DNAH8: variants seen among roughly 807,000 people sequenced by gnomAD.
The protein encoded by DNAH8 is dynein axonemal heavy chain 8, also known as axonemal beta dynein heavy chain 8.
A neutral mutation model predicts 562.1 loss-of-function variants in DNAH8; 382 were observed. The observed-to-expected ratio is 0.68, with a 90% confidence interval of 0.63 to 0.74. The LOEUF is 0.74. Ranked by LOEUF, DNAH8 falls within the 30% of genes least tolerant of loss-of-function variation. The probability of loss-of-function intolerance (pLI) is 0.00; values close to 1 mark genes in which losing one functional copy is unlikely to be tolerated. For synonymous variants in DNAH8, 1,881 were observed against 1,919.4 expected (o/e 0.98, Z 0.52); for missense variants, 5,203 against 5,620.4 (o/e 0.93, Z 2.37).
At chr6:38,822,748 C>A in intron 26 of DNAH8, 90 bp from the exon 27 acceptor site, 1 of 1,001,462 alleles carries the variant, frequency 1.0e-6, no homozygotes, top group Non-Finnish European at 1.4e-6. Context: ...TAAGAAAATA[C>A]AGTTTGAAAA....
At position 38,890,765 on chromosome 6, in the gene DNAH8, C is replaced by A. The variant is rs559179565; in HGVS notation, c.8583+4C>A. ...AGTGCTGTGGCAATGGACTAAGGTA[C>A]AGAATGGTTTGTCAATAATTTTTAA... On this transcript the variant is annotated splice_donor_region_variant and intron_variant, in intron 58 of 92. Coordinates refer to ENST00000327475, the MANE Select transcript of DNAH8 (RefSeq NM_001206927.2). 1.8e-5 allele frequency: 29 copies of A among 1,593,992 alleles called. 1 individual carries two copies. The South Asian group carries it at 3.1e-4, about 17-fold the overall frequency.
intron 24 of DNAH8, among the ~76,000 whole-genome samples, chr6:38,810,551 C>T (rs1273967534): frequency 6.6e-6 from 1 of 151,630 alleles, no homozygotes; most frequent in Admixed American, 6.6e-5. Flanking sequence ...AAGACTGTGC[C>T]ATTGCATTCC....
chr6:38,773,864 G>A (rs539207479), intron 12 of DNAH8, among the ~76,000 whole-genome samples: 2 of 152,186 alleles, frequency 1.3e-5, no homozygotes, highest in Non-Finnish European at 2.9e-5. Context: ...TGTGCACTAA[G>A]AGCCTATTAG....
chr6:38,715,496 T>G (rs1454971651), intron 1 of DNAH8, 81 bp downstream of exon 1: 2 of 152,352 alleles, frequency 1.3e-5, no homozygotes, highest in African/African-American at 4.8e-5. Context: ...CCCGCCCACT[T>G]TCCTTCTTTT....
intron 82 of DNAH8, among the ~76,000 whole-genome samples, chr6:38,965,234 A>G (rs1375982838): frequency 6.6e-6 from 1 of 152,130 alleles, no homozygotes. Flanking sequence ...TATTCCATAT[A>G]TTATATAATA....
chr6:38,781,262 T>G lies in DNAH8; in HGVS notation c.2148T>G (p.His716Gln). ...CAGATTTTTAATTACAGCTTTATCA[T>G]TCTCAGAAAGATGACCCCCCTCTTG... ...AELDATKKLY[H>Q]SQKDDPPLAR... Residue 716 changes from histidine to glutamine, a missense_variant, in exon 16 of 93, where the codon CAT (histidine) becomes CAG (glutamine). His to Gln is a conservative substitution (Grantham distance 24). Around this residue, in one of 6 missense-constraint regions of DNAH8, gnomAD observed 2,176 missense variants for 2,365.1 expected, o/e 0.92. Coordinates refer to ENST00000327475, the MANE Select transcript of DNAH8 (RefSeq NM_001206927.2). The G allele has an allele frequency of 6.2e-7, 1 of 1,613,888 alleles. No individual in the cohort carries two copies. Among genetic ancestry groups the G allele is most frequent in the Non-Finnish European group, 8.5e-7 (1 of 1,179,884 alleles).
intron 91 of DNAH8, among the ~76,000 whole-genome samples, chr6:39,012,866 C>G (rs139560924): frequency 4.0e-4 from 61 of 151,288 alleles, no homozygotes; most frequent in African/African-American, 1.4e-3. Flanking sequence ...AAAATCCTTC[C>G]TTTTTCTTTT....
At chr6:38,735,810 A>G (rs1562591434) in intron 5 of DNAH8, among the ~76,000 whole-genome samples, 1 of 152,142 alleles carries the variant, frequency 6.6e-6, no homozygotes, top group South Asian at 2.1e-4. Context: ...TATATCTCTA[A>G]ATAATATGCT....
At chr6:38,883,523 T>G (rs1778673501) in intron 55 of DNAH8, 67 bp downstream of exon 55, 1 of 1,449,488 alleles carries the variant, frequency 6.9e-7, no homozygotes, top group Non-Finnish European at 9.4e-7. Flanking sequence ...TACAATAAAA[T>G]GTGTACGCAT....
At chr6:38,848,594 T>C in intron 36 of DNAH8, 54 bp from the exon 37 acceptor site, 1 of 1,447,466 alleles carries the variant, frequency 6.9e-7, no homozygotes, top group Non-Finnish European at 9.6e-7. Context: ...GGTAAGGCCA[T>C]ACTATTTTCT....
intron 70 of DNAH8, among the ~76,000 whole-genome samples, chr6:38,919,415 T>C (rs985015302): frequency 1.4e-4 from 21 of 152,180 alleles, no homozygotes; most frequent in African/African-American, 5.1e-4. Context: ...TTCAGATTCT[T>C]AATATTTTTT....
intron 45 of DNAH8, among the ~76,000 whole-genome samples, chr6:38,864,776 T>A (rs946419964): frequency 6.6e-6 from 1 of 152,198 alleles, no homozygotes; most frequent in African/African-American, 2.4e-5. Context: ...ACACTGTATC[T>A]TATAGCTATG....
chr6:38,919,255 CAT>C (rs1387529779), intron 70 of DNAH8, among the ~76,000 whole-genome samples: 1 of 152,076 alleles, frequency 6.6e-6, no homozygotes, highest in Admixed American at 6.5e-5. Flanking sequence ...AATTAACAAA[CAT>C]AATACTGTAA....
intron 88 of DNAH8, among the ~76,000 whole-genome samples, chr6:39,006,256 A>G (rs1029918996): frequency 6.6e-6 from 1 of 152,252 alleles, no homozygotes; most frequent in African/African-American, 2.4e-5. Context: ...CTTTGTGGCA[A>G]TTTGTTATAG....
chr6:38,782,235 A>G (rs1196896384), intron 16 of DNAH8, among the ~76,000 whole-genome samples: 1 of 151,456 alleles, frequency 6.6e-6, no homozygotes, highest in East Asian at 1.9e-4. Context: ...CGAAACCTAA[A>G]TCTTTTGATT....
At chr6:38,980,353 G>C (rs547059076) in intron 85 of DNAH8, among the ~76,000 whole-genome samples, 1 of 152,198 alleles carries the variant, frequency 6.6e-6, no homozygotes, top group South Asian at 2.1e-4. Flanking sequence ...CATGAATGCT[G>C]GGACTAGGAA....
chr6:38,788,178 A>G (rs1769361567), intron 18 of DNAH8, among the ~76,000 whole-genome samples: 1 of 149,428 alleles, frequency 6.7e-6, no homozygotes, highest in South Asian at 2.1e-4. Context: ...TTGTTGTTGG[A>G]GTCTTGCTCT....
intron 79 of DNAH8, among the ~76,000 whole-genome samples, chr6:38,944,083 T>C (rs548389381): frequency 6.6e-6 from 1 of 152,274 alleles, no homozygotes; most frequent in South Asian, 2.1e-4. Flanking sequence ...CAGGATTACA[T>C]GAAAACATTT....
At chr6:38,929,090 G>C (rs1161064210) in intron 74 of DNAH8, among the ~76,000 whole-genome samples, 1 of 152,108 alleles carries the variant, frequency 6.6e-6, no homozygotes, top group Admixed American at 6.6e-5. Flanking sequence ...ACATTCTTAT[G>C]TTTACTTTTT....
Sources: allele counts gnomAD v4.1 joint callset (sites outside exome capture counted in the v4.1 genomes callset), GRCh38; gene constraint gnomAD v4.1.1; regional missense constraint gnomAD v4.1.1; transcripts MANE v1.5; gene names NCBI Gene and HGNC (gene_info 2026-07-23, HGNC 2026-07-21).